The following BICRAL variants were observed in gnomAD, a reference collection of about 807,000 sequenced individuals.
BICRAL encodes BICRA like chromatin remodeling complex associated protein.
In BICRAL, 8 loss-of-function variants were observed where a neutral mutation model predicts 91.8. The observed-to-expected ratio is 0.09, with a 90% CI of 0.05 to 0.16. BICRAL has a LOEUF of 0.16. BICRAL is among the 10% of genes least tolerant of loss of function. The pLI, the probability that BICRAL is intolerant of heterozygous loss-of-function variation, is 1.00. For synonymous variants in BICRAL, 445 were observed against 491.1 expected, an observed-to-expected ratio of 0.91 and a Z score of 1.24; for missense variants, 1,038 against 1,310.9, an observed-to-expected ratio of 0.79 and a Z score of 3.21.
chr6:42,831,296 G>A (rs1764469065), intron 6 of BICRAL, among the ~76,000 whole-genome samples: 1 of 152,184 alleles, frequency 6.6e-6, no homozygotes, highest in Admixed American at 6.5e-5. Context: ...CTGCTTCTTG[G>A]TTGCCAACAG....
chr6:42,826,181 T>C (rs1359933996), intron 5 of BICRAL, among the ~76,000 whole-genome samples: 2 of 151,638 alleles, frequency 1.3e-5, no homozygotes, highest in Non-Finnish European at 2.9e-5. Context: ...AGCCATGAGT[T>C]GCAGAGCTAG....
intron 8 of BICRAL, among the ~76,000 whole-genome samples, chr6:42,854,375 G>A (rs1233237781): frequency 6.6e-6 from 1 of 152,064 alleles, no homozygotes; most frequent in Non-Finnish European, 1.5e-5. Context: ...GTAGAGATAG[G>A]ATTTTGCCAT....
chr6:42,762,550 G>A (rs981095000), intron 1 of BICRAL, among the ~76,000 whole-genome samples: 2 of 152,172 alleles, frequency 1.3e-5, no homozygotes, highest in Non-Finnish European at 2.9e-5. Flanking sequence ...TCTTCACAAA[G>A]TCTAAGTATT....
chr6:42,810,083 G>A (rs568054146), intron 1 of BICRAL, among the ~76,000 whole-genome samples: 41 of 152,200 alleles, frequency 2.7e-4, no homozygotes, highest in African/African-American at 8.2e-4. Context: ...CACTATGCCC[G>A]GCCAAATTTT....
intron 1 of BICRAL, among the ~76,000 whole-genome samples, chr6:42,797,126 T>C (rs1763436517): frequency 6.7e-6 from 1 of 150,116 alleles, no homozygotes; most frequent in South Asian, 2.1e-4. Context: ...AAAAGGAAGA[T>C]TTTGTTGACC....
intron 1 of BICRAL, among the ~76,000 whole-genome samples, chr6:42,762,275 T>A (rs1045885632): frequency 1.3e-5 from 2 of 152,156 alleles, no homozygotes; most frequent in African/African-American, 4.8e-5. Flanking sequence ...CAAAGAATCC[T>A]AGAAAGACAG....
rs1278647861 is a variant in BICRAL at position 42,867,133 on chromosome 6, T to A, written c.*1687T>A. On this transcript the variant is annotated 3_prime_UTR_variant, in exon 13 of 13. Coordinates refer to ENST00000314073, the MANE Select transcript of BICRAL (RefSeq NM_001393499.1). ...GCCAACATGGGGATGACCCCCATTG[T>A]CATCATGTTGGGCATTTCTTTTCCA... 8.1e-6 allele frequency: 2 copies of A among 246,602 alleles called. No homozygotes were observed. The highest frequency in any genetic ancestry group is 4.5e-5 in the African/African-American group (2 of 44,472). The allele number at this position is 246,602 out of a possible 1,614,324, so 15.3% of individuals were successfully genotyped here. A position where few individuals can be genotyped will look rare whatever the true frequency, so the allele number is the denominator to read the frequency against.
rs1765754533 is a variant in BICRAL, at chr6:42,867,758, T to C, written c.*2312T>C. 6.6e-6 allele frequency: 1 copy of C among 152,224 alleles called. No individual in the cohort carries two copies. The highest frequency in any genetic ancestry group is 6.5e-5 in the Admixed American group (1 of 15,276). 9.4% of individuals were successfully genotyped at this position (152,224 alleles called of 1,614,324 possible). On this transcript the variant is annotated 3_prime_UTR_variant, in exon 13 of 13. Transcript: ENST00000314073. ...TTTTCTATATACCATCCTAAAGGGT[T>C]TTTAAGCCCTAACACTTGTCTAGCA... is the stretch of plus-strand genomic sequence containing the variant.
chr6:42,826,044 A>G (rs1459685384), intron 5 of BICRAL, among the ~76,000 whole-genome samples: 1 of 151,962 alleles, frequency 6.6e-6, no homozygotes, highest in Non-Finnish European at 1.5e-5. Context: ...AGATCGGGCC[A>G]CTGCACTCCA....
intron 2 of BICRAL, among the ~76,000 whole-genome samples, chr6:42,815,660 G>C (rs1051360653): frequency 1.3e-5 from 2 of 152,064 alleles, no homozygotes; most frequent in African/African-American, 4.8e-5. Context: ...AAGTTTTGCT[G>C]TGAACTTAAT....
intron 1 of BICRAL, among the ~76,000 whole-genome samples, chr6:42,799,830 T>G (rs957753235): frequency 6.6e-6 from 1 of 152,126 alleles, no homozygotes; most frequent in Admixed American, 6.6e-5. Flanking sequence ...TTGCTTGGAG[T>G]AATATGCTAC....
intron 1 of BICRAL, among the ~76,000 whole-genome samples, chr6:42,753,971 G>A (rs1762420587): frequency 6.7e-6 from 1 of 148,942 alleles, no homozygotes; most frequent in Non-Finnish European, 1.5e-5. Context: ...TACACTTCAT[G>A]GGAAGGCATG....
At chr6:42,760,774 C>A (rs1762531687) in intron 1 of BICRAL, among the ~76,000 whole-genome samples, 1 of 148,082 alleles carries the variant, frequency 6.8e-6, no homozygotes, top group South Asian at 2.1e-4. Context: ...ATAATCCCAG[C>A]AATTTGGGAG....
chr6:42,786,727 T>C (rs569419301), intron 1 of BICRAL, among the ~76,000 whole-genome samples: 94 of 152,290 alleles, frequency 6.2e-4, no homozygotes, highest in African/African-American at 2.1e-3. Context: ...AGAGGTGATA[T>C]TTGAGCTGAG....
upstream of BICRAL, among the ~76,000 whole-genome samples, chr6:42,779,163 G>C (rs1334342756): frequency 6.6e-6 from 1 of 151,308 alleles, no homozygotes. Context: ...GCTATAGTGA[G>C]ATATGATCAT....
In BICRAL at chr6:42,865,106, C is replaced by T. The variant is rs145657633; in HGVS notation, c.2900C>T (p.Thr967Met). ...SILADSHLEM[T>M]CNNSFQDKSL... is the part of the protein sequence containing the mutation. ...CTAGCAGATTCGCACTTGGAGATGA[C>T]GTGTAACAATTCCTTCCAGGACAAA... is the stretch of plus-strand genomic sequence containing the variant. Residue 967 changes from threonine (T) to methionine (M), a missense_variant, in exon 13 of 13, where the codon ACG becomes ATG. Around this residue, in one of 5 missense-constraint regions of BICRAL, gnomAD observed 92 missense variants for 147.8 expected, o/e 0.62. Coordinates refer to ENST00000314073, the MANE Select transcript of BICRAL (RefSeq NM_001393499.1). The T allele has an allele frequency of 3.2e-5, 52 of 1,613,824 alleles. No homozygotes were observed. In the African/African-American group the frequency reaches 4.0e-4, roughly 12 times the overall value.
At chr6:42,775,673 A>G (rs1762798588) in intron 1 of BICRAL, among the ~76,000 whole-genome samples, 2 of 152,120 alleles carry the variant, frequency 1.3e-5, no homozygotes, top group South Asian at 4.1e-4. Flanking sequence ...TTTTATTATT[A>G]ACAGCTCTGC....
At chr6:42,824,405 C>G (rs1488345475) in intron 5 of BICRAL, among the ~76,000 whole-genome samples, 1 of 152,086 alleles carries the variant, frequency 6.6e-6, no homozygotes, top group African/African-American at 2.4e-5. Flanking sequence ...AGTGCAGTGG[C>G]ACGATCTCGT....
intron 1 of BICRAL, among the ~76,000 whole-genome samples, chr6:42,789,636 T>C (rs1269259522): frequency 8.6e-6 from 1 of 116,734 alleles, no homozygotes; most frequent in East Asian, 2.4e-4. Flanking sequence ...AGCTAGACTG[T>C]CTCAAAAAAA....
Sources: gnomAD v4.1 joint callset for allele counts (sites outside exome capture counted in the v4.1 genomes callset) on GRCh38, gnomAD v4.1.1 for gene constraint, gnomAD v4.1.1 regional missense constraint, MANE v1.5 for transcripts, NCBI Gene and HGNC (gene_info 2026-07-23, HGNC 2026-07-21) for gene names.